Variants in TMEM108 observed in about 807,000 individuals in gnomAD.
The protein encoded by TMEM108 is cancer/testis antigen 124.
In TMEM108, 12 loss-of-function variants were observed where a neutral mutation model predicts 35.1. The ratio of observed to expected loss-of-function variants is 0.34; its 90% CI spans 0.22 to 0.55. TMEM108 has a LOEUF of 0.55. Among genes scored for constraint, TMEM108 ranks in the 20% least tolerant of loss-of-function variants. The pLI, the probability that TMEM108 is intolerant of heterozygous loss-of-function variation, is 0.89. For synonymous variants in TMEM108, 287 were observed against 308.6 expected, an observed-to-expected ratio of 0.93 and a Z score of 0.73; for missense variants, 680 against 753.3, an observed-to-expected ratio of 0.90 and a Z score of 1.14.
At position 133,128,333 on chromosome 3, in the gene TMEM108, C is replaced by A. The variant is rs1010337173; in HGVS notation, c.-47+82313C>A. 6.6e-5 allele frequency among the ~76,000 whole-genome samples: 10 copies of A among 152,256 alleles called. No individual in the cohort carries two copies. In the East Asian group the frequency reaches 1.9e-3, roughly 29 times the overall value. On this transcript the variant is annotated intron_variant, in intron 2 of 5. Coordinates refer to ENST00000321871, the MANE Select transcript of TMEM108 (RefSeq NM_023943.4). Reference sequence around the variant, plus strand: ...CCTTAGAATGGGCCCTTGTTCAAGACAATTCCAAGTCCTCCCTTAGCAAGA... The same window carrying A: ...CCTTAGAATGGGCCCTTGTTCAAGAAAATTCCAAGTCCTCCCTTAGCAAGA...
At chr3:133,225,817 A>T (rs560017202) in intron 2 of TMEM108, among the ~76,000 whole-genome samples, 1 of 152,358 alleles carries the variant, frequency 6.6e-6, no homozygotes, top group African/African-American at 2.4e-5. Context: ...ACAGAAAAAT[A>T]TAAAACTTAA....
rs555061769 is a variant in TMEM108, at chr3:133,306,501, T to C, written c.41-73251T>C. Among the ~76,000 whole-genome samples the C allele has an allele frequency of 2.0e-5, 3 of 152,314 alleles. No individual in the cohort carries two copies. The South Asian group carries it at 6.2e-4, about 32-fold the overall frequency. On this transcript the variant is annotated intron_variant, in intron 3 of 5. Coordinates refer to ENST00000321871, the MANE Select transcript of TMEM108 (RefSeq NM_023943.4). ...CATTTACATTAGGTATTTCTCCTAATGTTATCCCTCCCCCAGCCCCCCACT... is the reference window on the plus strand; with the variant it reads ...CATTTACATTAGGTATTTCTCCTAACGTTATCCCTCCCCCAGCCCCCCACT...
At chr3:133,172,748 A>G (rs1945148625) in intron 2 of TMEM108, among the ~76,000 whole-genome samples, 1 of 152,210 alleles carries the variant, frequency 6.6e-6, no homozygotes, top group South Asian at 2.1e-4. Context: ...TTACCAATTG[A>G]TATGGTTTGG....
chr3:133,129,671 A>G (rs954701463), intron 2 of TMEM108, among the ~76,000 whole-genome samples: 3 of 152,096 alleles, frequency 2.0e-5, no homozygotes, highest in Admixed American at 2.0e-4. Flanking sequence ...AGGAAAGGAA[A>G]CTTGTTGATT....
In TMEM108 at chr3:133,204,835, A is replaced by G. The variant is rs547270826; in HGVS notation, c.-46-24431A>G. Among the ~76,000 whole-genome samples, 284 of 152,302 alleles carry G rather than the reference A, an allele frequency of 1.9e-3. 2 individuals are homozygous for G. The highest frequency in any genetic ancestry group is 6.5e-3 in the African/African-American group (270 of 41,572). ...GTTAGGTCCACTTGGTCCAGAGCTG[A>G]GTTCAAGTCCTGAATATCCTTGTTA... On this transcript the variant is annotated intron_variant, in intron 2 of 5. Coordinates refer to ENST00000321871, the MANE Select transcript of TMEM108 (RefSeq NM_023943.4).
intron 2 of TMEM108, among the ~76,000 whole-genome samples, chr3:133,197,020 G>A (rs747782864): frequency 2.0e-5 from 3 of 152,156 alleles, no homozygotes; most frequent in East Asian, 1.9e-4. Context: ...TTAGTAAAAC[G>A]ATGTATTAGT....
rs1310734662 is a variant in TMEM108 at position 133,243,644 on chromosome 3, T to C, written c.40+14293T>C. On this transcript the variant is annotated intron_variant, in intron 3 of 5. Transcript: ENST00000321871. The stretch of plus-strand genomic sequence containing the variant: ...CACGCCATTCTCCTGCCTCAGCCTC[T>C]CGAGTAGCTGGGACTACAGGCGCCT... Among the ~76,000 whole-genome samples the C allele has an allele frequency of 5.9e-5, 9 of 151,832 alleles. No individual in the cohort carries two copies. The East Asian group carries it at 1.4e-3, about 23-fold the overall frequency.
At chr3:133,255,537 G>A (rs1169567331) in intron 3 of TMEM108, among the ~76,000 whole-genome samples, 2 of 152,174 alleles carry the variant, frequency 1.3e-5, no homozygotes, top group African/African-American at 4.8e-5. Flanking sequence ...AGACACAGAA[G>A]CTAGTATGAG....
chr3:133,353,184 G>A (rs1465167577), intron 3 of TMEM108, among the ~76,000 whole-genome samples: 4 of 152,198 alleles, frequency 2.6e-5, no homozygotes, highest in African/African-American at 9.6e-5. Context: ...CATGCTGGGG[G>A]TGGAGGAGAT....
intron 3 of TMEM108, among the ~76,000 whole-genome samples, chr3:133,240,395 TAAAAC>T (rs1946296131): frequency 6.6e-6 from 1 of 152,204 alleles, no homozygotes. Context: ...CTTCTGCAGA[TAAAAC>T]AAAAGTTTAA....
rs373488563 is a variant in TMEM108 at position 133,112,086 on chromosome 3, T to C, written c.-47+66066T>C. ...TTTTTTCTTTCCTAAAGAAAACAGT[T>C]CTTTTTCCATTGCGGGGGAAACAAA... On this transcript the variant is annotated intron_variant, in intron 2 of 5. Transcript: ENST00000321871. 4.7e-4 allele frequency among the ~76,000 whole-genome samples: 71 copies of C among 152,270 alleles called. 1 individual carries two copies. Among genetic ancestry groups the C allele is most frequent in the African/African-American group, 1.6e-3 (67 of 41,550 alleles).
At chr3:133,098,122 G>C (rs1944040013) in intron 2 of TMEM108, among the ~76,000 whole-genome samples, 3 of 152,124 alleles carry the variant, frequency 2.0e-5, no homozygotes, top group East Asian at 3.8e-4. Flanking sequence ...CCAAAACTGG[G>C]AACAAAAAGA....
chr3:133,113,478 GA>G (rs1359368546), intron 2 of TMEM108, among the ~76,000 whole-genome samples: 1 of 152,076 alleles, frequency 6.6e-6, no homozygotes, highest in Non-Finnish European at 1.5e-5. Flanking sequence ...ATCTATGAGC[GA>G]TGAGCCATAT....
rs997114155 is a variant in TMEM108, at chr3:133,397,430, T to C, written c.*1444T>C. On this transcript the variant is annotated 3_prime_UTR_variant, in exon 6 of 6. Coordinates refer to ENST00000321871, the MANE Select transcript of TMEM108 (RefSeq NM_023943.4). ...ATGGCCTTCAAAAGTGTGTTCTCAA[T>C]GTTGTATGAACCTCCTTCACATGAG... 1 of 151,772 alleles carries C rather than the reference T, an allele frequency of 6.6e-6. No homozygotes were observed. Among genetic ancestry groups the C allele is most frequent in the African/African-American group, 2.4e-5 (1 of 41,346 alleles). The allele number at this position is 151,772 out of a possible 1,614,324, so 9.4% of individuals were successfully genotyped here. A position where few individuals can be genotyped will look rare whatever the true frequency, so the allele number is the denominator to read the frequency against.
chr3:133,057,830 G>T (rs2107679831), intron 2 of TMEM108, among the ~76,000 whole-genome samples: 1 of 152,252 alleles, frequency 6.6e-6, no homozygotes, highest in South Asian at 2.1e-4. Flanking sequence ...TTATAGGCTG[G>T]CAACGGGAGC....
At chr3:133,109,030 C>A (rs1944194148) in intron 2 of TMEM108, among the ~76,000 whole-genome samples, 2 of 152,050 alleles carry the variant, frequency 1.3e-5, no homozygotes, top group Admixed American at 1.3e-4. Context: ...CTTTCTATAT[C>A]GTGGGTACAC....
rs1226721004 is a variant in TMEM108 at position 133,396,079 on chromosome 3, C to G, written c.*93C>G. 1.0e-6 allele frequency: 1 copy of G among 967,276 alleles called. No homozygotes were observed. The highest frequency in any genetic ancestry group is 1.7e-5 in the African/African-American group (1 of 57,926). The allele number at this position is 967,276 out of a possible 1,614,324, so 59.9% of individuals were successfully genotyped here. A position where few individuals can be genotyped will look rare whatever the true frequency, so the allele number is the denominator to read the frequency against. On this transcript the variant is annotated 3_prime_UTR_variant, in exon 6 of 6. Transcript: ENST00000321871. ...ATTATAAATATAACCTTTGTGTAAC[C>G]CTGACTTAATGAGAAACATTTTCAG...
intron 2 of TMEM108, among the ~76,000 whole-genome samples, chr3:133,169,671 T>C (rs982123198): frequency 6.6e-6 from 1 of 152,242 alleles, no homozygotes; most frequent in Non-Finnish European, 1.5e-5. Context: ...GGACAAAATG[T>C]GTACCCCAGT....
intron 3 of TMEM108, among the ~76,000 whole-genome samples, chr3:133,337,848 C>T (rs910644449): frequency 2.0e-5 from 3 of 152,018 alleles, no homozygotes; most frequent in Non-Finnish European, 4.4e-5. Context: ...ATAAATTCAA[C>T]AAACAGATTG....
Sources: gnomAD v4.1 joint callset for allele counts (sites outside exome capture counted in the v4.1 genomes callset) on GRCh38, gnomAD v4.1.1 for gene constraint, MANE v1.5 for transcripts, NCBI Gene and HGNC (gene_info 2026-07-23, HGNC 2026-07-21) for gene names.